SUGCT: variants seen among roughly 807,000 people sequenced by gnomAD.
SUGCT encodes succinyl-CoA:glutarate CoA-transferase.
SUGCT carries 41 observed loss-of-function variants against 55.0 expected under a neutral mutation model. The observed-to-expected ratio is 0.74, with a 90% CI of 0.58 to 0.97. The LOEUF (loss-of-function observed/expected upper bound fraction) is 0.97, where lower values mean the gene tolerates loss of function less well. Ranked by LOEUF, SUGCT falls within the 50% of genes least tolerant of loss-of-function variation. The pLI is 0.00. For missense variants in SUGCT, 568 were observed against 547.8 expected, an observed-to-expected ratio of 1.04 and a Z score of -0.37; for synonymous variants, 187 against 200.4, an observed-to-expected ratio of 0.93 and a Z score of 0.56.
the SUGCT span, among the ~76,000 whole-genome samples, chr7:40,949,439 T>C: frequency 6.6e-6 from 1 of 152,216 alleles, no homozygotes; most frequent in East Asian, 1.9e-4. Context: ...TCTTTTGTTG[T>C]GCAGAAGCTC....
intron 12 of SUGCT, among the ~76,000 whole-genome samples, chr7:40,626,856 A>G (rs774247114): frequency 7.2e-5 from 11 of 152,198 alleles, no homozygotes; most frequent in Non-Finnish European, 1.3e-4. Flanking sequence ...AAAATGCTCA[A>G]TAAATACTAG....
intron 12 of SUGCT, among the ~76,000 whole-genome samples, chr7:40,671,706 ATACTTT>A (rs1303469493): frequency 2.0e-5 from 3 of 152,216 alleles, no homozygotes; most frequent in African/African-American, 7.2e-5. Context: ...TGAATCAAAT[ATACTTT>A]TAAAGTGGAG....
At chr7:40,795,569 T>G (rs1790511625) in intron 13 of SUGCT, among the ~76,000 whole-genome samples, 1 of 152,102 alleles carries the variant, frequency 6.6e-6, no homozygotes, top group Non-Finnish European at 1.5e-5. Flanking sequence ...TGAACTGAAG[T>G]CAAAAATTGA....
At chr7:40,953,365 C>G in the SUGCT span, among the ~76,000 whole-genome samples, 1 of 152,096 alleles carries the variant, frequency 6.6e-6, no homozygotes, top group Non-Finnish European at 1.5e-5. Flanking sequence ...CATCTTTTTT[C>G]AAGGTTTTCA....
chr7:40,315,735 T>G (rs10227273), intron 8 of SUGCT, among the ~76,000 whole-genome samples: 85,376 of 151,986 alleles, frequency 0.56, 25,332 homozygotes, highest in Non-Finnish European at 0.67. Flanking sequence ...TGACAGGCTT[T>G]GTAGGTTTTC....
At chr7:40,813,857 A>G (rs1283620998) in intron 13 of SUGCT, among the ~76,000 whole-genome samples, 1 of 152,142 alleles carries the variant, frequency 6.6e-6, no homozygotes, top group Non-Finnish European at 1.5e-5. Context: ...AGCAGTTTTC[A>G]TTATTTCATT....
chr7:40,303,647 C>A (rs1292577077), intron 8 of SUGCT, among the ~76,000 whole-genome samples: 1 of 152,192 alleles, frequency 6.6e-6, no homozygotes, highest in Non-Finnish European at 1.5e-5. Flanking sequence ...CCGCACCTGG[C>A]CCATTTCTTC....
In SUGCT at chr7:40,428,527, TG is replaced by T. The variant is rs1787720106; in HGVS notation, c.817-20759del. 0.012 allele frequency among the ~76,000 whole-genome samples: 25 copies of T among 2,142 alleles called. No homozygotes were observed. The East Asian group carries it at 0.46, about 40-fold the overall frequency. 1.4% of individuals were successfully genotyped at this position (2,142 alleles called of 152,430 possible). On this transcript the variant is annotated intron_variant, in intron 9 of 13. Coordinates refer to ENST00000335693, the MANE Select transcript of SUGCT (RefSeq NM_001193313.2). Reference sequence around the variant, plus strand: ...TCTCTCTTTCTCTGTCTCTGCTGTGTGTGTGTGTGTGTGTGTGTGTGTGTGT... The same window carrying T: ...TCTCTCTTTCTCTGTCTCTGCTGTGTTGTGTGTGTGTGTGTGTGTGTGTGT...
chr7:40,914,676 A>G, the SUGCT span, among the ~76,000 whole-genome samples: 2 of 152,218 alleles, frequency 1.3e-5, no homozygotes, highest in Admixed American at 6.5e-5. Context: ...TTGGCGTTTT[A>G]TGTTGTTTGG....
chr7:40,596,097 C>T (rs1797996578), intron 12 of SUGCT, among the ~76,000 whole-genome samples: 1 of 152,050 alleles, frequency 6.6e-6, no homozygotes, highest in Admixed American at 6.6e-5. Context: ...CTAGAGAATC[C>T]CACAGATGTC....
chr7:40,196,570 G>A (rs1051169119), intron 6 of SUGCT, among the ~76,000 whole-genome samples: 15 of 152,310 alleles, frequency 9.8e-5, no homozygotes, highest in Middle Eastern at 3.4e-3. Context: ...GTGAGAGAAT[G>A]CCCTACCCAT....
chr7:40,925,075 T>C, the SUGCT span, among the ~76,000 whole-genome samples: 1 of 152,204 alleles, frequency 6.6e-6, no homozygotes, highest in South Asian at 2.1e-4. Flanking sequence ...TCTCTGTTTT[T>C]AGAAGGAAGA....
intron 9 of SUGCT, among the ~76,000 whole-genome samples, chr7:40,368,187 T>A (rs1025364965): frequency 5.9e-5 from 9 of 152,274 alleles, no homozygotes; most frequent in African/African-American, 1.7e-4. Flanking sequence ...TATACTTTTT[T>A]ATTTTGTGAT....
intron 13 of SUGCT, among the ~76,000 whole-genome samples, chr7:40,779,606 G>A (rs1789631767): frequency 6.6e-6 from 1 of 152,140 alleles, no homozygotes; most frequent in Non-Finnish European, 1.5e-5. Context: ...AGTAGGCCAA[G>A]GGAAATTGAG....
chr7:40,988,891 G>T, the SUGCT span, among the ~76,000 whole-genome samples: 2 of 70,188 alleles, frequency 2.8e-5, no homozygotes, highest in Non-Finnish European at 7.5e-5. Context: ...CTTAATTTTT[G>T]TAGTTTTTTT....
chr7:40,819,394 T>C (rs2128765259), intron 13 of SUGCT, among the ~76,000 whole-genome samples: 1 of 152,336 alleles, frequency 6.6e-6, no homozygotes, highest in Admixed American at 6.5e-5. Flanking sequence ...GGTGTTCCTA[T>C]TTCTCCACAT....
chr7:40,135,213 T>A, intron 1 of SUGCT, 93 bp downstream of exon 1: 3 of 1,379,062 alleles, frequency 2.2e-6, no homozygotes, highest in Non-Finnish European at 2.9e-6. Flanking sequence ...GGGTCTGAAG[T>A]CTCTGCTGAC....
chr7:40,985,599 C>T, the SUGCT span, among the ~76,000 whole-genome samples: 2 of 152,090 alleles, frequency 1.3e-5, no homozygotes, highest in Non-Finnish European at 2.9e-5. Flanking sequence ...TAAAAGCCTG[C>T]AAGTTTTGGG....
chr7:40,423,006 A>T (rs1231429684), intron 9 of SUGCT, among the ~76,000 whole-genome samples: 1 of 152,158 alleles, frequency 6.6e-6, no homozygotes, highest in Non-Finnish European at 1.5e-5. Context: ...GAATGAATGG[A>T]TCCTATGAGA....
Sources: gnomAD v4.1 joint callset for allele counts (sites outside exome capture counted in the v4.1 genomes callset) on GRCh38, gnomAD v4.1.1 for gene constraint, MANE v1.5 for transcripts, NCBI Gene and HGNC (gene_info 2026-07-23, HGNC 2026-07-21) for gene names.